Variants in PALM2AKAP2 observed in about 807,000 individuals in gnomAD.
The protein encoded by PALM2AKAP2 is PALM2-AKAP2 fusion protein.
A neutral mutation model predicts 71.5 loss-of-function variants in PALM2AKAP2; 37 were observed. The ratio of observed to expected loss-of-function variants is 0.52; its 90% CI spans 0.40 to 0.68. PALM2AKAP2 has a LOEUF of 0.68. Ranked by LOEUF, PALM2AKAP2 falls within the 30% of genes least tolerant of loss-of-function variation. PALM2AKAP2 has a pLI of 0.00. For synonymous variants in PALM2AKAP2, 468 were observed against 478.8 expected (o/e 0.98, Z 0.29); for missense variants, 1,224 against 1,191.8 (o/e 1.03, Z -0.40).
At chr9:109,766,604 C>T (rs1829158599) in intron 1 of PALM2AKAP2, among the ~76,000 whole-genome samples, 1 of 152,134 alleles carries the variant, frequency 6.6e-6, no homozygotes, top group South Asian at 2.1e-4. Context: ...TCATGTTAAC[C>T]TCATCATCCT....
intron 1 of PALM2AKAP2, among the ~76,000 whole-genome samples, chr9:110,089,547 G>A (rs1834656766): frequency 6.6e-6 from 1 of 152,240 alleles, no homozygotes; most frequent in African/African-American, 2.4e-5. Flanking sequence ...TTAAAGACAG[G>A]ACAATGTTTA....
chr9:109,800,032 C>T lies in PALM2AKAP2; in HGVS notation c.45+19499C>T, dbSNP rs1363933984. On this transcript the variant is annotated intron_variant, in intron 1 of 9. Coordinates refer to the PALM2AKAP2 transcript ENST00000302798. Reference sequence around the variant, plus strand: ...AAAGCTAAGAATTCAGTCAGAGCCACTCGGATTCCCTATTGCCTGCCATAC... The same window carrying T: ...AAAGCTAAGAATTCAGTCAGAGCCATTCGGATTCCCTATTGCCTGCCATAC... Among the ~76,000 whole-genome samples the T allele has an allele frequency of 5.9e-5, 9 of 152,294 alleles. No homozygotes were observed. The South Asian group carries it at 1.7e-3, about 28-fold the overall frequency.
At chr9:110,146,786 G>A (rs1238980375) in intron 2 of PALM2AKAP2, among the ~76,000 whole-genome samples, 1 of 152,122 alleles carries the variant, frequency 6.6e-6, no homozygotes, top group Non-Finnish European at 1.5e-5. Flanking sequence ...GGTGAGGTGG[G>A]GCAGGGAGAG....
At chr9:110,141,420 G>T (rs560970943) in intron 2 of PALM2AKAP2, among the ~76,000 whole-genome samples, 3 of 152,270 alleles carry the variant, frequency 2.0e-5, no homozygotes, top group African/African-American at 7.2e-5. Context: ...TTTATCTCTA[G>T]AACATTTAAA....
At chr9:109,784,801 T>C (rs1276276797) in intron 1 of PALM2AKAP2, among the ~76,000 whole-genome samples, 1 of 152,232 alleles carries the variant, frequency 6.6e-6, no homozygotes, top group Non-Finnish European at 1.5e-5. Context: ...CTCGCACTTT[T>C]CCCATGAGCA....
At chr9:109,898,500 T>A (rs556905700) in intron 3 of PALM2AKAP2, among the ~76,000 whole-genome samples, 1 of 152,368 alleles carries the variant, frequency 6.6e-6, no homozygotes, top group Admixed American at 6.5e-5. Context: ...TTGCCTGGAC[T>A]GGTTCATGTT....
intron 2 of PALM2AKAP2, among the ~76,000 whole-genome samples, chr9:110,152,832 T>C (rs1475299194): frequency 1.3e-5 from 2 of 152,188 alleles, no homozygotes; most frequent in Non-Finnish European, 2.9e-5. Flanking sequence ...TGAACCATAC[T>C]TGGGGAGGAT....
In PALM2AKAP2 at chr9:109,727,966, C is replaced by A. The variant is rs1270852598; in HGVS notation, c.6-52522C>A. 3.9e-5 allele frequency among the ~76,000 whole-genome samples: 6 copies of A among 152,124 alleles called. No homozygotes were observed. The East Asian group carries it at 9.6e-4, about 24-fold the overall frequency. ...AGTGCCAGGTCCATCCCAGAGAAAA[C>A]CTCTTGGGCCTCCGCAAAGGGCTTT... On this transcript the variant is annotated intron_variant, in intron 1 of 6. Transcript: ENST00000374531.
rs749217440 is a variant in PALM2AKAP2 at position 109,942,988 on chromosome 9, C to T, written c.496+10960C>T. 1.7e-5 allele frequency: 28 copies of T among 1,614,144 alleles called. No homozygotes were observed. The East Asian group carries it at 6.0e-4, about 35-fold the overall frequency. ...TGGGAGCCTCAGCCATCCCAAGGAACACATGCTCTGCAAAGAAGCTAAGTT... is the reference window on the plus strand; with the variant it reads ...TGGGAGCCTCAGCCATCCCAAGGAATACATGCTCTGCAAAGAAGCTAAGTT... On this transcript the variant is annotated intron_variant, in intron 6 of 9. Coordinates refer to the PALM2AKAP2 transcript ENST00000302798.
chr9:109,917,174 G>A (rs894697237), intron 3 of PALM2AKAP2, among the ~76,000 whole-genome samples: 1 of 152,218 alleles, frequency 6.6e-6, no homozygotes, highest in African/African-American at 2.4e-5. Flanking sequence ...GAAGATGGAG[G>A]AAGGGACCCA....
intron 1 of PALM2AKAP2, among the ~76,000 whole-genome samples, chr9:109,803,599 G>A (rs767418370): frequency 1.3e-5 from 2 of 152,210 alleles, no homozygotes; most frequent in Non-Finnish European, 2.9e-5. Flanking sequence ...CAAGAGTTCT[G>A]TAGGAAATAT....
intron 1 of PALM2AKAP2, among the ~76,000 whole-genome samples, chr9:109,670,534 GT>G: frequency 6.6e-6 from 1 of 152,050 alleles, no homozygotes; most frequent in Non-Finnish European, 1.5e-5. Context: ...GGATATTTAG[GT>G]TGATTCCATT....
chr9:110,089,116 G>T (rs1022042519), intron 1 of PALM2AKAP2, among the ~76,000 whole-genome samples: 1 of 152,184 alleles, frequency 6.6e-6, no homozygotes. Context: ...CCTATGGCTA[G>T]GAGCACCATA....
At chr9:109,758,691 CT>C (rs1173155045) in intron 1 of PALM2AKAP2, among the ~76,000 whole-genome samples, 6 of 152,042 alleles carry the variant, frequency 3.9e-5, no homozygotes, top group African/African-American at 1.4e-4. Context: ...TAATCATCCA[CT>C]GTGTACATTT....
chr9:110,090,426 A>C (rs1834680458), intron 1 of PALM2AKAP2: 1 of 456,746 alleles, frequency 2.2e-6, no homozygotes, highest in South Asian at 1.5e-5. Context: ...GGTAGGTCTC[A>C]GTTACTTTTA....
At chr9:110,069,641 C>T (rs913200106) in intron 1 of PALM2AKAP2, among the ~76,000 whole-genome samples, 5 of 152,136 alleles carry the variant, frequency 3.3e-5, no homozygotes, top group African/African-American at 1.2e-4. Context: ...ATTTGCTTAT[C>T]GGATTCTTAA....
chr9:109,757,934 A>G (rs1478582551), intron 1 of PALM2AKAP2, among the ~76,000 whole-genome samples: 3 of 151,978 alleles, frequency 2.0e-5, no homozygotes, highest in African/African-American at 7.2e-5. Context: ...ATGGCCCAAA[A>G]TTCAAAATTT....
intron 1 of PALM2AKAP2, among the ~76,000 whole-genome samples, chr9:109,711,586 G>A (rs1458910183): frequency 2.0e-5 from 3 of 152,234 alleles, no homozygotes; most frequent in African/African-American, 7.2e-5. Context: ...CCCCAAGGCT[G>A]GTCCTGAGTG....
chr9:109,885,986 T>G (rs1384960426), intron 3 of PALM2AKAP2, among the ~76,000 whole-genome samples: 2 of 152,154 alleles, frequency 1.3e-5, no homozygotes, highest in African/African-American at 4.8e-5. Context: ...AGTGGAGAAA[T>G]AGATTGTCAT....
Sources: gnomAD v4.1 joint callset for allele counts (sites outside exome capture counted in the v4.1 genomes callset) on GRCh38, gnomAD v4.1.1 for gene constraint, MANE v1.5 for transcripts, NCBI Gene and HGNC (gene_info 2026-07-23, HGNC 2026-07-21) for gene names.